Variants in JAK1 observed in about 807,000 individuals in gnomAD.
JAK1 encodes the protein tyrosine-protein kinase JAK1.
A neutral mutation model predicts 136.6 loss-of-function variants in JAK1; 16 were observed. The ratio of observed to expected loss-of-function variants is 0.12; its 90% CI spans 0.08 to 0.18. The LOEUF is 0.18. Among genes scored for constraint, JAK1 ranks in the 10% least tolerant of loss-of-function variants. JAK1 has a pLI of 1.00. For missense variants in JAK1, 859 were observed against 1,450.1 expected (o/e 0.59, Z 6.62); for synonymous variants, 492 against 519.5 (o/e 0.95, Z 0.72).
At chr1:64,963,290 G>C (rs1646315716) in intron 1 of JAK1, among the ~76,000 whole-genome samples, 3 of 152,126 alleles carry the variant, frequency 2.0e-5, no homozygotes, top group South Asian at 2.1e-4. Flanking sequence ...TGCTTAAATG[G>C]ACAAGCGAGT....
rs1036970803 is a variant in JAK1 at position 65,035,093 on chromosome 1, A to T, written c.-78+9387T>A. Among the ~76,000 whole-genome samples, 11 of 147,126 alleles carry T rather than the reference A, an allele frequency of 7.5e-5. No homozygotes were observed. In the East Asian group the frequency reaches 7.7e-4, roughly 10 times the overall value. On this transcript the variant is annotated intron_variant, in intron 2 of 25. Coordinates refer to the JAK1 transcript ENST00000671954. The stretch of plus-strand genomic sequence containing the variant: ...ATAAATAAATAAATAAATAAATAAT[A>T]AATAAATTCTCTTAGTAATGCCATT...
chr1:64,985,407 C>A (rs549714036), intron 2 of JAK1: 373 of 1,610,230 alleles, frequency 2.3e-4, no homozygotes, highest in Middle Eastern at 3.3e-4. Flanking sequence ...CTGGGTGCCC[C>A]ACAACCACTG....
chr1:64,958,730 GA>G (rs1469380829), intron 1 of JAK1, among the ~76,000 whole-genome samples: 2 of 152,052 alleles, frequency 1.3e-5, no homozygotes, highest in African/African-American at 2.4e-5. Flanking sequence ...AATCATAATT[GA>G]AAAAAACTGT....
chr1:64,845,916 A>G (rs1398417254), intron 14 of JAK1, among the ~76,000 whole-genome samples: 1 of 152,208 alleles, frequency 6.6e-6, no homozygotes, highest in Non-Finnish European at 1.5e-5. Context: ...CAAGGCCTGG[A>G]AAGCCTTGGC....
chr1:64,879,743 T>C (rs1280786544), intron 3 of JAK1, among the ~76,000 whole-genome samples: 1 of 152,222 alleles, frequency 6.6e-6, no homozygotes, highest in South Asian at 2.1e-4. Context: ...TGTATGATTA[T>C]CACAAATATT....
chr1:64,928,803 A>C (rs1013795496), intron 1 of JAK1, among the ~76,000 whole-genome samples: 308 of 150,336 alleles, frequency 2.0e-3, no homozygotes, highest in African/African-American at 7.1e-3. Context: ...AAAACAAAAA[A>C]AAAAAACTCT....
At chr1:64,913,857 A>G (rs1206994715) in intron 1 of JAK1, among the ~76,000 whole-genome samples, 2 of 152,218 alleles carry the variant, frequency 1.3e-5, no homozygotes, top group African/African-American at 4.8e-5. Flanking sequence ...ATATTAAATA[A>G]CAGAAATAGG....
intron 19 of JAK1, 75 bp from the exon 20 acceptor site, chr1:64,839,870 C>T: frequency 7.7e-7 from 1 of 1,292,466 alleles, no homozygotes; most frequent in Non-Finnish European, 1.1e-6. Flanking sequence ...AGTCTTGCTC[C>T]TCACAGCCGT....
At chr1:64,945,833 A>T (rs529843780) in intron 1 of JAK1, among the ~76,000 whole-genome samples, 2 of 151,888 alleles carry the variant, frequency 1.3e-5, no homozygotes, top group South Asian at 4.2e-4. Context: ...GGTTCAAGCC[A>T]TCCTCTGGCC....
chr1:64,992,667 A>C (rs1646668371), intron 2 of JAK1: 1 of 152,246 alleles, frequency 6.6e-6, no homozygotes, highest in African/African-American at 2.4e-5. Context: ...AGGCGGGCGA[A>C]TCATGAGGTC....
intron 2 of JAK1, among the ~76,000 whole-genome samples, chr1:64,978,665 CA>C (rs1486091314): frequency 6.6e-6 from 1 of 152,138 alleles, no homozygotes; most frequent in African/African-American, 2.4e-5. Context: ...ACAGGAATAT[CA>C]GATTGCTCTG....
chr1:64,835,622 C>A lies in JAK1; in HGVS notation c.3259-116G>T. On this transcript the variant is annotated intron_variant, in intron 23 of 24. Transcript: ENST00000342505. Reference sequence around the variant, plus strand: ...GGAAATTTAAGTAGCAATAAAAAGGCTTTTCTCCTTAGTAACTTTAAATAA... The same window carrying A: ...GGAAATTTAAGTAGCAATAAAAAGGATTTTCTCCTTAGTAACTTTAAATAA... 14 of 676,536 alleles carry A rather than the reference C, an allele frequency of 2.1e-5. No individual in the cohort carries two copies. In the South Asian group the frequency reaches 2.5e-4, roughly 12 times the overall value. The allele number at this position is 676,536 out of a possible 1,614,324, so 41.9% of individuals were successfully genotyped here. A position where few individuals can be genotyped will look rare whatever the true frequency, so the allele number is the denominator to read the frequency against.
In JAK1 at chr1:64,928,798, A is replaced by AAAAAAAAAAAC. The variant is rs1557699670; in HGVS notation, c.-78+37534_-78+37535insGTTTTTTTTTT. Among the ~76,000 whole-genome samples the AAAAAAAAAAAC allele has an allele frequency of 1.1e-3, 98 of 89,966 alleles. No homozygotes were observed. The East Asian group carries it at 0.055, about 50-fold the overall frequency. The allele number at this position is 89,966 out of a possible 152,430, so 59.0% of individuals were successfully genotyped here. A position where few individuals can be genotyped will look rare whatever the true frequency, so the allele number is the denominator to read the frequency against. On this transcript the variant is annotated intron_variant, in intron 1 of 24. Transcript: ENST00000342505. ...CTCTGCAAAAAAAAAAAAAAAAAAC[A>AAAAAAAAAAAC]AAAAAAAAAAACTCTGCAAAAAAAG... is the stretch of plus-strand genomic sequence containing the variant.
At chr1:65,066,497 G>C (rs1310162093) in intron 1 of JAK1, 2 of 152,314 alleles carry the variant, frequency 1.3e-5, no homozygotes, top group African/African-American at 4.8e-5. Context: ...AACGTGCAGA[G>C]AAACCGAGGC....
chr1:64,869,425 G>C lies in JAK1; in HGVS notation c.533C>G (p.Thr178Ser), dbSNP rs373251481. 6.2e-7 allele frequency: 1 copy of C among 1,613,844 alleles called. No individual in the cohort carries two copies. The highest frequency in any genetic ancestry group is 8.5e-7 in the Non-Finnish European group (1 of 1,179,834). The part of the protein sequence containing the change: ...KCLAPIRDPK[T>S]EQDGHDIENE... ...CTCAATATCATGTCCATCCTGCTCGGTCTTGGGGTCTCGAATAGGAGCCAG... is the reference window on the plus strand; with the variant it reads ...CTCAATATCATGTCCATCCTGCTCGCTCTTGGGGTCTCGAATAGGAGCCAG... The change falls in exon 6 of 25, where the codon ACC (threonine) becomes AGC (serine). Residue 178 changes from threonine to serine, a missense_variant. Coordinates refer to ENST00000342505, the MANE Select transcript of JAK1 (RefSeq NM_002227.4).
At chr1:64,960,123 A>G (rs71647473) in intron 1 of JAK1, among the ~76,000 whole-genome samples, 8,880 of 152,216 alleles carry the variant, frequency 0.058, 399 homozygotes, top group Non-Finnish European at 0.083. Context: ...GCTACTCGGA[A>G]GGCTGAGGTG....
At chr1:64,854,678 T>TC (rs36016362) in intron 11 of JAK1, among the ~76,000 whole-genome samples, 60,487 of 151,608 alleles carry the variant, frequency 0.4, 13,192 homozygotes, top group African/African-American at 0.58. Context: ...GCTGAGTGGC[T>TC]CCCCCTTGGA....
intron 13 of JAK1, 37 bp from the exon 14 acceptor site, chr1:64,846,773 G>T (rs751778309): frequency 6.5e-7 from 1 of 1,542,534 alleles, no homozygotes; most frequent in Non-Finnish European, 8.9e-7. Flanking sequence ...TCTCAGGCCA[G>T]CCTCCAGGGG....
At chr1:64,938,776 T>C (rs958532183) in intron 1 of JAK1, among the ~76,000 whole-genome samples, 5 of 152,234 alleles carry the variant, frequency 3.3e-5, no homozygotes, top group African/African-American at 1.2e-4. Flanking sequence ...AAGTCTCTCT[T>C]AATATTTTAT....
Sources: allele counts gnomAD v4.1 joint callset (sites outside exome capture counted in the v4.1 genomes callset), GRCh38; gene constraint gnomAD v4.1.1; transcripts MANE v1.5; gene names NCBI Gene and HGNC (gene_info 2026-07-23, HGNC 2026-07-21).